The following COMMD10 variants were observed in gnomAD, a reference collection of about 807,000 sequenced individuals.
The protein encoded by COMMD10 is COMM domain containing 10.
Under a neutral mutation model 28.9 loss-of-function variants are expected in COMMD10, and 33 were observed. The observed-to-expected ratio is 1.14, with a 90% confidence interval of 0.87 to 1.53. COMMD10 has a LOEUF of 1.53. Among genes scored for constraint, COMMD10 ranks in the 40% most tolerant of loss-of-function variants. The pLI, the probability that COMMD10 is intolerant of heterozygous loss-of-function variation, is 0.00. For missense variants in COMMD10, 310 were observed against 233.4 expected (o/e 1.33, Z -2.14); for synonymous variants, 110 against 81.7 (o/e 1.35, Z -1.87).
At chr5:116,274,193 G>C (rs1269491439) in intron 5 of COMMD10, among the ~76,000 whole-genome samples, 1 of 151,762 alleles carries the variant, frequency 6.6e-6, no homozygotes, top group East Asian at 1.9e-4. Flanking sequence ...TCAACAACAG[G>C]TCTTTCTAAC....
intron 5 of COMMD10, among the ~76,000 whole-genome samples, chr5:116,266,447 G>A (rs7729439): frequency 0.37 from 55,582 of 151,360 alleles, 12,840 homozygotes; most frequent in African/African-American, 0.65. Context: ...TGAAAATATT[G>A]TAAAATATTT....
chr5:116,141,122 T>A (rs942177677), intron 5 of COMMD10, among the ~76,000 whole-genome samples: 18 of 151,738 alleles, frequency 1.2e-4, no homozygotes, highest in African/African-American at 4.4e-4. Context: ...GGTGTAAAGG[T>A]CCAATTTCAT....
intron 5 of COMMD10, among the ~76,000 whole-genome samples, chr5:116,205,551 CATATGTAT>C (rs1369350201): frequency 6.6e-6 from 1 of 152,014 alleles, no homozygotes; most frequent in Non-Finnish European, 1.5e-5. Flanking sequence ...CCCATATATG[CATATGTAT>C]ATATACATGT....
rs757039128 is a variant in COMMD10 at position 116,291,481 on chromosome 5, C to T, written c.511-36C>T. ...GAAAAAATGTGATGTAAATTGTGTG[C>T]AACTACATTCTTTTTGTTGTTTTTC... is the stretch of plus-strand genomic sequence containing the variant. On this transcript the variant is annotated intron_variant, in intron 5 of 6. Coordinates refer to ENST00000274458, the MANE Select transcript of COMMD10 (RefSeq NM_016144.4). The T allele has an allele frequency of 2.8e-6, 4 of 1,403,964 alleles. No individual in the cohort carries two copies. In the Admixed American group the frequency reaches 5.3e-5, roughly 19 times the overall value. The allele number at this position is 1,403,964 out of a possible 1,614,324, so 87.0% of individuals were successfully genotyped here.
At chr5:116,132,230 A>G (rs1751884192) in intron 4 of COMMD10, among the ~76,000 whole-genome samples, 1 of 152,160 alleles carries the variant, frequency 6.6e-6, no homozygotes, top group African/African-American at 2.4e-5. Flanking sequence ...CCTTATATTT[A>G]TAATACTTTA....
intron 4 of COMMD10, among the ~76,000 whole-genome samples, chr5:116,099,007 G>A (rs1561599194): frequency 6.6e-6 from 1 of 152,138 alleles, no homozygotes; most frequent in East Asian, 1.9e-4. Flanking sequence ...TACTGTCTTT[G>A]AAAACTTAAA....
chr5:116,273,080 A>G (rs1354114219), intron 5 of COMMD10, among the ~76,000 whole-genome samples: 1 of 151,834 alleles, frequency 6.6e-6, no homozygotes, highest in Non-Finnish European at 1.5e-5. Context: ...CTTAAATGTG[A>G]TGCTTGTTCT....
intron 5 of COMMD10, among the ~76,000 whole-genome samples, chr5:116,219,491 A>T (rs182511831): frequency 6.6e-6 from 1 of 152,220 alleles, no homozygotes; most frequent in Admixed American, 6.5e-5. Context: ...GCAGAGGGAG[A>T]TTTGACACAG....
chr5:116,127,555 A>C (rs181828554), intron 4 of COMMD10, among the ~76,000 whole-genome samples: 5 of 152,304 alleles, frequency 3.3e-5, no homozygotes, highest in East Asian at 1.9e-4. Context: ...GACTGGATTA[A>C]GAAAATGTGG....
chr5:116,292,296 T>C (rs1417779616), intron 6 of COMMD10, among the ~76,000 whole-genome samples, 155 bp from the exon 7 acceptor site: 3 of 152,104 alleles, frequency 2.0e-5, no homozygotes, highest in Admixed American at 6.6e-5. Flanking sequence ...AAGAAAAATA[T>C]TCTAAGTGGT....
At chr5:116,198,837 A>T (rs1748592882) in intron 5 of COMMD10, among the ~76,000 whole-genome samples, 1 of 152,136 alleles carries the variant, frequency 6.6e-6, no homozygotes, top group African/African-American at 2.4e-5. Context: ...AAGGTACCAC[A>T]GTTTATTTAT....
intron 5 of COMMD10, among the ~76,000 whole-genome samples, chr5:116,287,525 A>G (rs1366535207): frequency 6.6e-6 from 1 of 151,746 alleles, no homozygotes; most frequent in African/African-American, 2.4e-5. Flanking sequence ...TATTTTATCC[A>G]GTTAACCAGC....
At chr5:116,274,890 C>T (rs1750860347) in intron 5 of COMMD10, among the ~76,000 whole-genome samples, 1 of 151,898 alleles carries the variant, frequency 6.6e-6, no homozygotes, top group South Asian at 2.1e-4. Context: ...TTTTCTCCCT[C>T]CTGAGCACTC....
intron 5 of COMMD10, among the ~76,000 whole-genome samples, chr5:116,170,254 C>G (rs1309070825): frequency 6.6e-6 from 1 of 151,956 alleles, no homozygotes; most frequent in Admixed American, 6.6e-5. Flanking sequence ...ACAGAGAGAA[C>G]AAAATATCTA....
rs182517814 is a variant in COMMD10, at chr5:116,228,726, G to T, written c.511-62791G>T. Among the ~76,000 whole-genome samples, 1,032 of 152,010 alleles carry T rather than the reference G, an allele frequency of 6.8e-3. 16 individuals carry two copies. The highest frequency in any genetic ancestry group is 0.024 in the African/African-American group (988 of 41,526). On this transcript the variant is annotated intron_variant, in intron 5 of 6. Coordinates refer to ENST00000274458, the MANE Select transcript of COMMD10 (RefSeq NM_016144.4). Reference sequence around the variant, plus strand: ...TGGATTCTGATCCTTTTCCTTTCAAGCTTATTAAAATAAGATCTTTTAGGA... The same window carrying T: ...TGGATTCTGATCCTTTTCCTTTCAATCTTATTAAAATAAGATCTTTTAGGA...
intron 4 of COMMD10, among the ~76,000 whole-genome samples, chr5:116,108,383 G>C (rs1204804214): frequency 6.6e-6 from 1 of 152,250 alleles, no homozygotes; most frequent in Non-Finnish European, 1.5e-5. Context: ...CAGAGAGGAG[G>C]AATCTAGACT....
At chr5:116,151,301 C>G (rs1030157833) in intron 5 of COMMD10, among the ~76,000 whole-genome samples, 11 of 151,812 alleles carry the variant, frequency 7.2e-5, no homozygotes, top group East Asian at 3.9e-4. Context: ...GTTCATCAAG[C>G]ATATTGGTCT....
chr5:116,183,359 A>G (rs1326946394), intron 5 of COMMD10, among the ~76,000 whole-genome samples: 1 of 152,154 alleles, frequency 6.6e-6, no homozygotes, highest in East Asian at 1.9e-4. Flanking sequence ...TGCCTGAAGT[A>G]GTTTTGAAAA....
At chr5:116,153,226 T>C (rs1020955609) in intron 5 of COMMD10, among the ~76,000 whole-genome samples, 1 of 152,028 alleles carries the variant, frequency 6.6e-6, no homozygotes, top group African/African-American at 2.4e-5. Flanking sequence ...TAAAATGGAG[T>C]CTAATTAATA....
Sources: gnomAD v4.1 joint callset for allele counts (sites outside exome capture counted in the v4.1 genomes callset) on GRCh38, gnomAD v4.1.1 for gene constraint, MANE v1.5 for transcripts, NCBI Gene and HGNC (gene_info 2026-07-23, HGNC 2026-07-21) for gene names.